Variants in SOX5 observed in about 807,000 individuals in gnomAD.
SOX5 encodes the protein transcription factor SOX-5.
SOX5 carries 9 observed loss-of-function variants against 92.0 expected under a neutral mutation model. That is an observed-to-expected ratio of 0.10 (90% CI 0.06 to 0.17). The LOEUF is 0.17. SOX5 is among the 10% of genes least tolerant of loss of function. SOX5 has a pLI of 1.00. For synonymous variants in SOX5, 344 were observed against 336.3 expected (o/e 1.02, Z -0.25); for missense variants, 642 against 944.5 (o/e 0.68, Z 4.20).
chr12:24,230,885 T>G (rs1213427906), intron 3 of SOX5, among the ~76,000 whole-genome samples: 1 of 152,224 alleles, frequency 6.6e-6, no homozygotes. Context: ...ATTGACTTCT[T>G]ATTCTTCCCT....
intron 1 of SOX5, among the ~76,000 whole-genome samples, chr12:24,389,797 CCTGA>C (rs758039158): frequency 6.6e-6 from 1 of 152,154 alleles, no homozygotes; most frequent in African/African-American, 2.4e-5. Context: ...GAAGGAGCTG[CCTGA>C]CTGTTTTCCA....
intron 4 of SOX5, among the ~76,000 whole-genome samples, chr12:24,055,454 G>C (rs967448160): frequency 2.6e-5 from 4 of 152,190 alleles, no homozygotes; most frequent in African/African-American, 9.7e-5. Context: ...AAAGTTCACA[G>C]CTCCCTCTTT....
rs1364724916 is a variant in SOX5, at chr12:24,445,053, C to G, written c.-250-76414G>C. 2.0e-5 allele frequency among the ~76,000 whole-genome samples: 3 copies of G among 152,188 alleles called. No individual in the cohort carries two copies. In the East Asian group the frequency reaches 5.8e-4, roughly 29 times the overall value. ...AGAACTGAGATAGTAACTGATTCCA[C>G]CGGTACCTCCAGGACTGACATTAGT... On this transcript the variant is annotated intron_variant, in intron 1 of 4. Transcript: ENST00000446891.
At chr12:23,859,960 C>G (rs1248199792) in intron 2 of SOX5, among the ~76,000 whole-genome samples, 1 of 152,144 alleles carries the variant, frequency 6.6e-6, no homozygotes, top group Admixed American at 6.5e-5. Flanking sequence ...GAATATTATG[C>G]AGCCATAACA....
At chr12:24,330,864 A>C (rs1380720504) in intron 2 of SOX5, among the ~76,000 whole-genome samples, 3 of 152,222 alleles carry the variant, frequency 2.0e-5, no homozygotes, top group African/African-American at 7.2e-5. Context: ...CAAACACTGA[A>C]GAATCAAAGA....
intron 6 of SOX5, among the ~76,000 whole-genome samples, chr12:23,710,849 T>A (rs1025726416): frequency 6.6e-6 from 1 of 152,194 alleles, no homozygotes; most frequent in African/African-American, 2.4e-5. Context: ...TAGTTTACAG[T>A]CCCACCAACA....
At chr12:24,535,633 A>AT (rs1476860966) in intron 1 of SOX5, among the ~76,000 whole-genome samples, 3 of 152,208 alleles carry the variant, frequency 2.0e-5, no homozygotes, top group African/African-American at 7.2e-5. Context: ...CTATATCATT[A>AT]TTTTTGTATT....
At chr12:23,902,327 C>T (rs2097243366) in intron 1 of SOX5, among the ~76,000 whole-genome samples, 1 of 151,858 alleles carries the variant, frequency 6.6e-6, no homozygotes, top group African/African-American at 2.4e-5. Context: ...ATATTTTAAC[C>T]TTTGACTAGA....
intron 3 of SOX5, among the ~76,000 whole-genome samples, chr12:24,236,504 G>C (rs1297708245): frequency 2.6e-5 from 4 of 152,190 alleles, no homozygotes; most frequent in Non-Finnish European, 4.4e-5. Context: ...TGGCCAGGAA[G>C]CACAAACAGC....
At chr12:23,846,975 G>T (rs569220050) in intron 2 of SOX5, among the ~76,000 whole-genome samples, 183 of 152,112 alleles carry the variant, frequency 1.2e-3, no homozygotes, top group Non-Finnish European at 2.3e-3. Context: ...TTATTGTATG[G>T]TTCTAAAATG....
intron 1 of SOX5, among the ~76,000 whole-genome samples, chr12:23,909,978 T>C (rs918336941): frequency 2.0e-5 from 3 of 152,070 alleles, no homozygotes; most frequent in Non-Finnish European, 4.4e-5. Context: ...GGCAAGTTTA[T>C]GGAGGCATGA....
intron 1 of SOX5, among the ~76,000 whole-genome samples, chr12:23,933,370 T>C (rs1040129409): frequency 5.9e-5 from 9 of 151,674 alleles, no homozygotes; most frequent in African/African-American, 2.2e-4. Flanking sequence ...CTGGGGGTTG[T>C]GGAGCATGTC....
In SOX5 at chr12:23,696,462, C is replaced by T. The variant is rs149691740; in HGVS notation, c.811-30898G>A. ...GGTCTGTAAAATCTTCAGTGATGTC[C>T]TTTTTCTCATTTCTACAATTTCAAA... is the stretch of plus-strand genomic sequence containing the variant. On this transcript the variant is annotated intron_variant, in intron 6 of 14. Transcript: ENST00000451604. 9.2e-4 allele frequency among the ~76,000 whole-genome samples: 140 copies of T among 152,060 alleles called. 5 individuals are homozygous for T. In the East Asian group the frequency reaches 0.025, roughly 27 times the overall value.
chr12:23,571,896 A>C (rs558606357), intron 10 of SOX5, among the ~76,000 whole-genome samples: 1 of 152,286 alleles, frequency 6.6e-6, no homozygotes, highest in South Asian at 2.1e-4. Context: ...ATTGTAGAAC[A>C]GCTGCAGTGA....
chr12:23,732,907 T>C (rs1163959116), intron 6 of SOX5, among the ~76,000 whole-genome samples: 1 of 152,196 alleles, frequency 6.6e-6, no homozygotes, highest in Non-Finnish European at 1.5e-5. Flanking sequence ...TTTTAAGTGC[T>C]TTTCATTAAA....
chr12:23,633,973 G>T (rs1321489508), intron 8 of SOX5, among the ~76,000 whole-genome samples: 1 of 151,522 alleles, frequency 6.6e-6, no homozygotes, highest in Non-Finnish European at 1.5e-5. Context: ...AGAAAGAGCA[G>T]GAGAGACAGA....
chr12:23,918,047 G>T (rs1273466809), intron 1 of SOX5, among the ~76,000 whole-genome samples: 1 of 152,070 alleles, frequency 6.6e-6, no homozygotes, highest in African/African-American at 2.4e-5. Context: ...CTGGTAGTAG[G>T]TTATATGAGT....
chr12:24,013,682 T>A (rs975257840), intron 4 of SOX5, among the ~76,000 whole-genome samples: 1 of 152,188 alleles, frequency 6.6e-6, no homozygotes, highest in African/African-American at 2.4e-5. Context: ...GCAAAACTAA[T>A]CTGATTTCCT....
chr12:24,185,554 G>A (rs1955929793), intron 4 of SOX5, among the ~76,000 whole-genome samples: 1 of 152,096 alleles, frequency 6.6e-6, no homozygotes, highest in African/African-American at 2.4e-5. Flanking sequence ...TTTGTTCTAG[G>A]AGGCAATAAA....
Sources: allele counts gnomAD v4.1 joint callset (sites outside exome capture counted in the v4.1 genomes callset), GRCh38; gene constraint gnomAD v4.1.1; transcripts MANE v1.5; gene names NCBI Gene and HGNC (gene_info 2026-07-23, HGNC 2026-07-21).